The following ADGRB3 variants were observed in gnomAD, a reference collection of about 807,000 sequenced individuals.
The protein encoded by ADGRB3 is brain-specific angiogenesis inhibitor 3.
Under a neutral mutation model 193.4 loss-of-function variants are expected in ADGRB3, and 37 were observed. The ratio of observed to expected loss-of-function variants is 0.19; its 90% confidence interval spans 0.15 to 0.25. ADGRB3 has a LOEUF of 0.25. Ranked by LOEUF, ADGRB3 falls within the 10% of genes least tolerant of loss-of-function variation. ADGRB3 has a pLI of 1.00. For synonymous variants in ADGRB3, 690 were observed against 644.2 expected (o/e 1.07, Z -1.08); for missense variants, 1,637 against 1,852.9 (o/e 0.88, Z 2.14).
chr6:69,117,516 A>G (rs1773568611), intron 17 of ADGRB3, among the ~76,000 whole-genome samples: 1 of 152,192 alleles, frequency 6.6e-6, no homozygotes, highest in East Asian at 1.9e-4. Flanking sequence ...ATCCTCTAAT[A>G]AGTAATATCA....
intron 3 of ADGRB3, among the ~76,000 whole-genome samples, chr6:68,682,723 A>G (rs898928056): frequency 6.6e-6 from 1 of 152,098 alleles, no homozygotes; most frequent in African/African-American, 2.4e-5. Flanking sequence ...CCACAAATAA[A>G]ATGACAGAGG....
At chr6:68,859,962 AAAT>A (rs1314400913) in intron 3 of ADGRB3, among the ~76,000 whole-genome samples, 1 of 152,190 alleles carries the variant, frequency 6.6e-6, no homozygotes, top group African/African-American at 2.4e-5. Context: ...TTTAAAAATA[AAAT>A]AATTATTCCA....
chr6:69,005,794 C>T (rs1431598110), intron 11 of ADGRB3, among the ~76,000 whole-genome samples: 4 of 152,154 alleles, frequency 2.6e-5, no homozygotes, highest in Non-Finnish European at 4.4e-5. Flanking sequence ...TATCCTTGTC[C>T]TTCAGATGTC....
At chr6:69,146,821 C>CTTTTTTTTTTTTT (rs756561473) in intron 17 of ADGRB3, among the ~76,000 whole-genome samples, 34 of 103,208 alleles carry the variant, frequency 3.3e-4, no homozygotes, top group African/African-American at 7.2e-4. Flanking sequence ...CTCATTACTT[C>CTTTTTTTTTTTTT]TTTTTTTTTT....
chr6:69,124,891 T>TC (rs1430379818), intron 17 of ADGRB3, among the ~76,000 whole-genome samples: 1 of 152,078 alleles, frequency 6.6e-6, no homozygotes, highest in Non-Finnish European at 1.5e-5. Flanking sequence ...TTGCCATTTT[T>TC]TTTTTCTTTA....
intron 3 of ADGRB3, among the ~76,000 whole-genome samples, chr6:68,682,572 A>C (rs1000002902): frequency 6.6e-6 from 1 of 152,214 alleles, no homozygotes; most frequent in Non-Finnish European, 1.5e-5. Context: ...AAAAGAAATA[A>C]AAAATTATAA....
chr6:69,275,647 G>A (rs1467176234), intron 20 of ADGRB3, among the ~76,000 whole-genome samples: 2 of 151,502 alleles, frequency 1.3e-5, no homozygotes, highest in South Asian at 2.1e-4. Context: ...TCAATGATCT[G>A]TTATTGCATC....
intron 13 of ADGRB3, among the ~76,000 whole-genome samples, chr6:69,033,536 A>G (rs1770775994): frequency 6.6e-6 from 1 of 152,194 alleles, no homozygotes; most frequent in Non-Finnish European, 1.5e-5. Flanking sequence ...TTTGCAATGC[A>G]ATTAAATTTT....
chr6:68,934,658 T>C (rs1210878738), intron 4 of ADGRB3, among the ~76,000 whole-genome samples: 1 of 152,162 alleles, frequency 6.6e-6, no homozygotes, highest in Non-Finnish European at 1.5e-5. Flanking sequence ...AAAAGTGTAT[T>C]ATATTTTCCC....
At chr6:69,279,071 G>GTATATATATATA (rs57824884) in intron 20 of ADGRB3, among the ~76,000 whole-genome samples, 1 of 71,390 alleles carries the variant, frequency 1.4e-5, no homozygotes, top group African/African-American at 4.6e-5. Flanking sequence ...AAATACATAT[G>GTATATATATATA]TATATATATA....
intron 20 of ADGRB3, among the ~76,000 whole-genome samples, chr6:69,262,053 T>G (rs1357060006): frequency 6.6e-6 from 1 of 152,034 alleles, no homozygotes; most frequent in East Asian, 1.9e-4. Context: ...GAGAAAGGCA[T>G]CTTAATGTAT....
intron 3 of ADGRB3, among the ~76,000 whole-genome samples, chr6:68,843,337 A>T (rs1768202033): frequency 6.6e-6 from 1 of 152,098 alleles, no homozygotes; most frequent in Non-Finnish European, 1.5e-5. Context: ...GTTGCAGGAT[A>T]CAAAGTCAAC....
rs151043847 is a variant in ADGRB3 at position 69,091,414 on chromosome 6, A to G, written c.2480+15376A>G. Among the ~76,000 whole-genome samples the G allele has an allele frequency of 6.3e-3, 966 of 152,332 alleles. 10 individuals carry two copies. Among genetic ancestry groups the G allele is most frequent in the African/African-American group, 0.022 (894 of 41,572 alleles). ...AAAGTGCCCATCAGTGATAGACTGG[A>G]TAAAGAAAATGTGGTACATATACAC... On this transcript the variant is annotated intron_variant, in intron 17 of 31. Transcript: ENST00000370598.
At chr6:68,900,609 G>T (rs1327458159) in intron 3 of ADGRB3, among the ~76,000 whole-genome samples, 2 of 152,094 alleles carry the variant, frequency 1.3e-5, no homozygotes, top group African/African-American at 4.8e-5. Flanking sequence ...TCCTGTCATT[G>T]CCCACTGAGC....
chr6:69,280,621 G>C (rs1420916420), intron 20 of ADGRB3, among the ~76,000 whole-genome samples: 3 of 152,178 alleles, frequency 2.0e-5, no homozygotes, highest in Non-Finnish European at 4.4e-5. Context: ...GCACTTAGAA[G>C]AAAGCCTGAT....
chr6:68,926,309 TTCAAAG>T (rs1235353054), intron 3 of ADGRB3, among the ~76,000 whole-genome samples: 3 of 152,114 alleles, frequency 2.0e-5, no homozygotes, highest in African/African-American at 7.2e-5. Flanking sequence ...CCATTTTTAA[TTCAAAG>T]CCAAGAAAAA....
At chr6:68,972,474 C>T (rs1582361275) in intron 8 of ADGRB3, among the ~76,000 whole-genome samples, 1 of 152,154 alleles carries the variant, frequency 6.6e-6, no homozygotes, top group South Asian at 2.1e-4. Context: ...CAACCTCCCC[C>T]TCCTGCACTC....
chr6:69,307,921 A>G (rs1459584025), intron 20 of ADGRB3, among the ~76,000 whole-genome samples: 2 of 151,494 alleles, frequency 1.3e-5, no homozygotes, highest in Non-Finnish European at 2.9e-5. Context: ...TATTAAATGT[A>G]AAACTCAAGA....
At chr6:69,184,205 C>T (rs1217915807) in intron 17 of ADGRB3, among the ~76,000 whole-genome samples, 1 of 151,970 alleles carries the variant, frequency 6.6e-6, no homozygotes, top group East Asian at 1.9e-4. Flanking sequence ...CTTTATAGGC[C>T]CATCCATTAC....
Sources: allele counts gnomAD v4.1 joint callset (sites outside exome capture counted in the v4.1 genomes callset), GRCh38; gene constraint gnomAD v4.1.1; transcripts MANE v1.5; gene names NCBI Gene and HGNC (gene_info 2026-07-23, HGNC 2026-07-21).